Variants in GARNL3 observed in about 807,000 individuals in gnomAD.
GARNL3 encodes GTPase-activating Rap/Ran-GAP domain-like protein 3.
GARNL3 carries 63 observed loss-of-function variants against 125.0 expected under a neutral mutation model. The ratio of observed to expected loss-of-function variants is 0.50; its 90% CI spans 0.41 to 0.62. GARNL3 has a LOEUF of 0.62. GARNL3 is among the 20% of genes least tolerant of loss of function. The pLI, the probability that GARNL3 is intolerant of heterozygous loss-of-function variation, is 0.00. For missense variants in GARNL3, 994 were observed against 1,244.0 expected (o/e 0.80, Z 3.02); for synonymous variants, 439 against 457.5 (o/e 0.96, Z 0.52).
At chr9:127,297,321 T>G (rs1401903229) in intron 2 of GARNL3, among the ~76,000 whole-genome samples, 1 of 152,082 alleles carries the variant, frequency 6.6e-6, no homozygotes. Context: ...GTATTTTTTG[T>G]AGAGATGGGG....
intron 1 of GARNL3, among the ~76,000 whole-genome samples, chr9:127,281,735 C>T (rs2064111232): frequency 6.6e-6 from 1 of 152,236 alleles, no homozygotes; most frequent in Non-Finnish European, 1.5e-5. Context: ...GGGGATGGCT[C>T]ATTCTACCCA....
Position 127,348,956 on chromosome 9 carries a change from C to T in GARNL3, c.1464C>T (p.Phe488=), listed in dbSNP as rs1830286948. Residue 488 remains phenylalanine, a synonymous_variant, in exon 17 of 28, where the codon TTC becomes TTT. Transcript: ENST00000373387. ...AGCCCCAGTGTTTCTGCAGTAATTT[C>T]CCTCATGAAGCCGTGTGTGCAGATC... ...PWEPQCFCSN[F]PHEAVCADPW... is the part of the protein sequence containing the mutation. 6.2e-7 allele frequency: 1 copy of T among 1,613,520 alleles called. No individual in the cohort carries two copies. The highest frequency in any genetic ancestry group is 2.2e-5 in the East Asian group (1 of 44,876).
intron 2 of GARNL3, among the ~76,000 whole-genome samples, chr9:127,292,354 C>G (rs1005380882): frequency 6.6e-6 from 1 of 152,200 alleles, no homozygotes; most frequent in Non-Finnish European, 1.5e-5. Flanking sequence ...AGAAACATCC[C>G]TCTCCAAATG....
intron 2 of GARNL3, among the ~76,000 whole-genome samples, chr9:127,257,023 A>C (rs1163849534): frequency 6.6e-6 from 1 of 152,222 alleles, no homozygotes; most frequent in Non-Finnish European, 1.5e-5. Flanking sequence ...TGAATCATAC[A>C]ATTTGTAACC....
rs1430632170 is a variant in GARNL3, at chr9:127,393,063, C to T, written c.2871-20C>T. On this transcript the variant is annotated intron_variant, in intron 27 of 27. Coordinates refer to ENST00000373387, the MANE Select transcript of GARNL3 (RefSeq NM_032293.5). ...TGTGGTACTCCCAAAGATCCTCTTA[C>T]AGTGACTTTTCTCTTCTAGGATCCC... is the stretch of plus-strand genomic sequence containing the variant. 3 of 1,577,796 alleles carry T rather than the reference C, an allele frequency of 1.9e-6. No individual in the cohort carries two copies. The highest frequency in any genetic ancestry group is 2.2e-5 in the South Asian group (2 of 89,850).
intron 1 of GARNL3, among the ~76,000 whole-genome samples, chr9:127,231,233 T>TTG (rs1554887561): frequency 9.4e-5 from 13 of 138,708 alleles, no homozygotes; most frequent in East Asian, 6.1e-4. Flanking sequence ...TTTTTGTTTT[T>TTG]TTTTTTTTTT....
intron 1 of GARNL3, 53 bp downstream of exon 1, chr9:127,265,074 G>A (rs995596540): frequency 2.0e-5 from 30 of 1,480,482 alleles, no homozygotes; most frequent in Non-Finnish European, 2.5e-5. Flanking sequence ...ATTTAGAGAC[G>A]ATTGCCAAGC....
Position 127,250,082 on chromosome 9 carries a change from A to C in GARNL3, c.143+6833A>C, listed in dbSNP as rs145791915. Among the ~76,000 whole-genome samples, 742 of 152,340 alleles carry C rather than the reference A, an allele frequency of 4.9e-3. 4 individuals are homozygous for C. The highest frequency in any genetic ancestry group is 8.4e-3 in the Non-Finnish European group (570 of 68,024). Reference sequence around the variant, plus strand: ...CTGAGATACATTAAATGAAAAGAACAAGGAGTGGGATTGTGTGTAGTGTGC... The same window carrying C: ...CTGAGATACATTAAATGAAAAGAACCAGGAGTGGGATTGTGTGTAGTGTGC... On this transcript the variant is annotated intron_variant, in intron 2 of 10. Coordinates refer to the GARNL3 transcript ENST00000439286.
At chr9:127,372,267 A>G (rs539141708) in intron 22 of GARNL3, among the ~76,000 whole-genome samples, 79 of 152,228 alleles carry the variant, frequency 5.2e-4, no homozygotes, top group Non-Finnish European at 9.4e-4. Context: ...GATTCTTGAC[A>G]CATAAACAAA....
chr9:127,304,458 A>C (rs1388924142), intron 2 of GARNL3, among the ~76,000 whole-genome samples: 1 of 149,384 alleles, frequency 6.7e-6, no homozygotes. Flanking sequence ...GTGTCACCGG[A>C]TGTATACCCA....
intron 15 of GARNL3, 53 bp downstream of exon 15, chr9:127,344,392 C>G: frequency 8.2e-7 from 1 of 1,213,276 alleles, no homozygotes; most frequent in Non-Finnish European, 1.2e-6. Context: ...TGAGTTCCAT[C>G]CTAACCAGAT....
At chr9:127,299,895 G>C (rs982538189) in intron 2 of GARNL3, among the ~76,000 whole-genome samples, 7 of 151,572 alleles carry the variant, frequency 4.6e-5, no homozygotes, top group Non-Finnish European at 7.4e-5. Flanking sequence ...GTAGAGATGG[G>C]GTTTCACCAT....
chr9:127,282,535 A>G (rs2064131596), intron 1 of GARNL3, among the ~76,000 whole-genome samples: 1 of 152,216 alleles, frequency 6.6e-6, no homozygotes, highest in South Asian at 2.1e-4. Flanking sequence ...CATGGCTAAC[A>G]AGTATGGAAG....
At chr9:127,313,396 G>A (rs2065148159) in intron 3 of GARNL3, 45 bp from the exon 4 acceptor site, 1 of 1,348,276 alleles carries the variant, frequency 7.4e-7, no homozygotes, top group African/African-American at 1.4e-5. Context: ...TCTGTGGCTG[G>A]CAGGATCAGT....
chr9:127,338,084 G>A, intron 11 of GARNL3, 32 bp from the exon 12 acceptor site: 3 of 1,547,862 alleles, frequency 1.9e-6, no homozygotes, highest in Middle Eastern at 1.7e-4. Context: ...GAGCATCAGT[G>A]TTGTGATTAG....
At position 127,301,345 on chromosome 9, in the gene GARNL3, T is replaced by G. The variant is rs1309781822; in HGVS notation, c.219+10103T>G. 2.6e-5 allele frequency among the ~76,000 whole-genome samples: 4 copies of G among 152,206 alleles called. No homozygotes were observed. The East Asian group carries it at 7.7e-4, about 29-fold the overall frequency. On this transcript the variant is annotated intron_variant, in intron 2 of 27. Coordinates refer to ENST00000373387, the MANE Select transcript of GARNL3 (RefSeq NM_032293.5). ...TTTTATGGACCCTAATGACTCATTA[T>G]GAACCTACAATATGCTACTTTGCCC...
intron 1 of GARNL3, among the ~76,000 whole-genome samples, chr9:127,282,631 A>G (rs2064133330): frequency 1.3e-5 from 2 of 152,218 alleles, no homozygotes; most frequent in South Asian, 4.1e-4. Flanking sequence ...AGAAAATATT[A>G]CATATTATGC....
intron 1 of GARNL3, among the ~76,000 whole-genome samples, chr9:127,270,078 G>A (rs948049582): frequency 6.6e-6 from 1 of 152,066 alleles, no homozygotes; most frequent in Admixed American, 6.6e-5. Context: ...CTGTCTTTGA[G>A]CCATTTTGAG....
chr9:127,372,249 C>T (rs957216106), intron 22 of GARNL3, among the ~76,000 whole-genome samples: 5 of 152,182 alleles, frequency 3.3e-5, no homozygotes, highest in African/African-American at 1.2e-4. Context: ...TGCCCATCCC[C>T]ATCCCAGGAT....
Sources: gnomAD v4.1 joint callset for allele counts (sites outside exome capture counted in the v4.1 genomes callset) on GRCh38, gnomAD v4.1.1 for gene constraint, MANE v1.5 for transcripts, NCBI Gene and HGNC (gene_info 2026-07-23, HGNC 2026-07-21) for gene names.